PTK2: variants seen among roughly 807,000 people sequenced by gnomAD.
The protein encoded by PTK2 is focal adhesion kinase 1.
PTK2 carries 45 observed loss-of-function variants against 150.1 expected under a neutral mutation model. That is an observed-to-expected ratio of 0.30 (90% CI 0.24 to 0.38). The LOEUF (loss-of-function observed/expected upper bound fraction) is 0.38. PTK2 is among the 10% of genes least tolerant of loss of function. The pLI is 1.00. For missense variants in PTK2, 919 were observed against 1,307.3 expected (o/e 0.70, Z 4.58); for synonymous variants, 432 against 449.2 (o/e 0.96, Z 0.48).
exon 5 of PTK2, chr8:140,864,349 G>C: frequency 1.2e-6 from 2 of 1,601,540 alleles, no homozygotes; most frequent in Non-Finnish European, 1.7e-6. Context: ...CTTATCTTCA[G>C]TAAACTGGTT....
rs137952270 is a variant in PTK2 at position 140,937,162 on chromosome 8, C to A, written c.-121-11413G>T. The stretch of plus-strand genomic sequence containing the variant: ...GTACAGGTGTCATTAAAATATACAC[C>A]TAATTTGCACATTTTTAAGAACATC... On this transcript the variant is annotated intron_variant, in intron 1 of 31. Transcript: ENST00000522684. Among the ~76,000 whole-genome samples the A allele has an allele frequency of 7.4e-3, 1,125 of 152,154 alleles. 10 individuals are homozygous for A. Among genetic ancestry groups the A allele is most frequent in the African/African-American group, 0.025 (1,039 of 41,518 alleles).
intron 12 of PTK2, among the ~76,000 whole-genome samples, chr8:140,798,438 C>A (rs1212955655): frequency 6.6e-6 from 1 of 152,070 alleles, no homozygotes; most frequent in African/African-American, 2.4e-5. Flanking sequence ...AAATTGGAAA[C>A]AACCAATGCC....
At chr8:140,825,375 A>C (rs181172916) in intron 8 of PTK2, among the ~76,000 whole-genome samples, 8 of 152,342 alleles carry the variant, frequency 5.3e-5, no homozygotes. Context: ...TCATCTGCTC[A>C]TCCTAGAAAT....
chr8:140,789,575 C>T (rs1005115999), intron 13 of PTK2, 49 bp from the exon 14 acceptor site: 7 of 1,579,348 alleles, frequency 4.4e-6, no homozygotes, highest in Non-Finnish European at 6.0e-6. Context: ...TCCCCAGGAC[C>T]CCGCAACTCG....
At chr8:140,856,780 C>A (rs1032855429) in intron 5 of PTK2, among the ~76,000 whole-genome samples, 8 of 152,022 alleles carry the variant, frequency 5.3e-5, no homozygotes, top group African/African-American at 1.7e-4. Flanking sequence ...GTGTATAAAT[C>A]AAAACAAAAA....
intron 31 of PTK2, chr8:140,662,575 CACT>C (rs2082108384): frequency 2.5e-6 from 1 of 405,182 alleles, no homozygotes; most frequent in Non-Finnish European, 4.4e-6. Context: ...TGTGAAGTTA[CACT>C]ACAGCACCAG....
intron 21 of PTK2, among the ~76,000 whole-genome samples, chr8:140,736,225 G>A (rs4355822): frequency 0.62 from 95,082 of 152,192 alleles, 31,257 homozygotes; most frequent in African/African-American, 0.83. Flanking sequence ...TGGCAGCACC[G>A]TGGAAACAAC....
intron 26 of PTK2, among the ~76,000 whole-genome samples, chr8:140,690,077 T>C (rs1247696703): frequency 3.9e-5 from 6 of 152,194 alleles, no homozygotes; most frequent in Non-Finnish European, 8.8e-5. Context: ...CTCAGCCTTC[T>C]GAGTAGCTGG....
At chr8:140,821,848 A>C (rs1191398449) in intron 8 of PTK2, 4 of 152,246 alleles carry the variant, frequency 2.6e-5, no homozygotes, top group Admixed American at 6.5e-5. Flanking sequence ...AGAGCAATAA[A>C]ATGGGTTCAA....
At chr8:140,978,145 C>T (rs573136808) in intron 1 of PTK2, among the ~76,000 whole-genome samples, 1 of 152,278 alleles carries the variant, frequency 6.6e-6, no homozygotes, top group Non-Finnish European at 1.5e-5. Flanking sequence ...AGACCTAAAA[C>T]CATAAAAACC....
At chr8:140,988,973 C>G (rs991569702) in intron 1 of PTK2, among the ~76,000 whole-genome samples, 6 of 150,742 alleles carry the variant, frequency 4.0e-5, no homozygotes, top group Middle Eastern at 3.4e-3. Context: ...TAGAAAATAA[C>G]AGAGGAATTA....
At chr8:140,707,912 T>C (rs917228881) in intron 23 of PTK2, among the ~76,000 whole-genome samples, 45 of 152,304 alleles carry the variant, frequency 3.0e-4, no homozygotes, top group African/African-American at 1.1e-3. Flanking sequence ...TGTGATCAAG[T>C]GACGAAACTG....
intron 13 of PTK2, among the ~76,000 whole-genome samples, chr8:140,792,793 A>T (rs984778060): frequency 6.6e-6 from 1 of 152,236 alleles, no homozygotes; most frequent in Non-Finnish European, 1.5e-5. Flanking sequence ...TATCTCTGAA[A>T]GCACTTACCA....
chr8:140,746,897 T>C (rs1203284683), intron 17 of PTK2, 37 bp from the exon 21 acceptor site: 65 of 1,367,066 alleles, frequency 4.8e-5, no homozygotes, highest in Non-Finnish European at 5.6e-5. Context: ...TCTTTCTTTT[T>C]TTTTTTTTTT....
At chr8:140,689,551 T>C (rs2100021929) in intron 26 of PTK2, among the ~76,000 whole-genome samples, 1 of 152,230 alleles carries the variant, frequency 6.6e-6, no homozygotes, top group African/African-American at 2.4e-5. Flanking sequence ...TATTGTATTA[T>C]TGTTAATTTC....
intron 26 of PTK2, among the ~76,000 whole-genome samples, chr8:140,696,935 A>G (rs2100026932): frequency 1.3e-5 from 2 of 152,042 alleles, no homozygotes; most frequent in South Asian, 4.2e-4. Context: ...TAAGAAAGGT[A>G]CTTGTTCCAG....
At chr8:140,830,166 A>C (rs1413283055) in intron 8 of PTK2, among the ~76,000 whole-genome samples, 1 of 152,170 alleles carries the variant, frequency 6.6e-6, no homozygotes, top group Non-Finnish European at 1.5e-5. Context: ...TTTCTTCTGC[A>C]TGTCAAAATA....
At chr8:140,948,754 T>A (rs1326562501) in intron 1 of PTK2, 1 of 152,210 alleles carries the variant, frequency 6.6e-6, no homozygotes, top group Non-Finnish European at 1.5e-5. Context: ...AATGAATGAC[T>A]GCATCTATAC....
At chr8:140,862,795 C>T (rs930003131) in intron 5 of PTK2, among the ~76,000 whole-genome samples, 1 of 152,194 alleles carries the variant, frequency 6.6e-6, no homozygotes, top group Non-Finnish European at 1.5e-5. Context: ...GCCTGATGAT[C>T]TGAGGTCAAA....
Sources: gnomAD v4.1 joint callset for allele counts (sites outside exome capture counted in the v4.1 genomes callset) on GRCh38, gnomAD v4.1.1 for gene constraint, MANE v1.5 for transcripts, NCBI Gene and HGNC (gene_info 2026-07-23, HGNC 2026-07-21) for gene names.